The following WDR75 variants were observed in gnomAD, a reference collection of about 807,000 sequenced individuals.
WDR75 encodes the protein WD repeat domain 75, also known as WD repeat-containing protein 75.
Under a neutral mutation model 106.1 loss-of-function variants are expected in WDR75, and 52 were observed. The ratio of observed to expected loss-of-function variants is 0.49; its 90% CI spans 0.39 to 0.62. The LOEUF (loss-of-function observed/expected upper bound fraction) is 0.62, where lower values mean the gene tolerates loss of function less well. WDR75 is among the 20% of genes least tolerant of loss of function. The pLI, the probability that WDR75 is intolerant of heterozygous loss-of-function variation, is 0.00. For missense variants in WDR75, 905 were observed against 970.3 expected (o/e 0.93, Z 0.89); for synonymous variants, 333 against 335.5 (o/e 0.99, Z 0.08).
Position 189,449,961 on chromosome 2 carries a change from T to A in WDR75, c.217-942T>A, listed in dbSNP as rs537423163. 4 of 985,214 alleles carry A rather than the reference T, an allele frequency of 4.1e-6. No individual in the cohort carries two copies. The South Asian group carries it at 1.4e-4, about 35-fold the overall frequency. 61.0% of individuals were successfully genotyped at this position (985,214 alleles called of 1,614,324 possible). A position where few individuals can be genotyped will look rare whatever the true frequency, so the allele number is the denominator to read the frequency against. ...TTCCTATAACAACGACAACAAAATC[T>A]AGCAGAAACTTAGTATTAATAAAAC... On this transcript the variant is annotated intron_variant, in intron 2 of 20. Transcript: ENST00000314761.
intron 2 of WDR75, 85 bp from the exon 3 acceptor site, chr2:189,450,817 GC>G: frequency 6.4e-7 from 1 of 1,562,556 alleles, no homozygotes; most frequent in Non-Finnish European, 8.6e-7. Context: ...AATAGAAAAT[GC>G]CCCTGATCAA....
chr2:189,451,788 T>A lies in WDR75; in HGVS notation c.283-17T>A. 1 of 1,604,090 alleles carries A rather than the reference T, an allele frequency of 6.2e-7. No homozygotes were observed. The highest frequency in any genetic ancestry group is 8.5e-7 in the Non-Finnish European group (1 of 1,171,298). On this transcript the variant is annotated splice_polypyrimidine_tract_variant and intron_variant, in intron 3 of 20. Coordinates refer to ENST00000314761, the MANE Select transcript of WDR75 (RefSeq NM_032168.3). ...AGGGAACAGACAGTAAACACTATGGTGCTCTTTATCTTTCAGACTTTCATA... is the reference window on the plus strand; with the variant it reads ...AGGGAACAGACAGTAAACACTATGGAGCTCTTTATCTTTCAGACTTTCATA...
chr2:189,455,324 ATT>A lies in WDR75; in HGVS notation c.380_381del (p.Phe127SerfsTer72). On this transcript the variant is annotated frameshift_variant, in exon 5 of 21. Coordinates refer to ENST00000314761, the MANE Select transcript of WDR75 (RefSeq NM_032168.3). LOFTEE classifies it high-confidence loss of function. Reference sequence around the variant, plus strand: ...AATATAGCTTTCTTTGGCTAGATATATTTCAGCTGGTTTCAGTGAAACTGCCA... The same window carrying A: ...AATATAGCTTTCTTTGGCTAGATATATCAGCTGGTTTCAGTGAAACTGCCA... ...VIVNKEKPDI[F>X]QLVSVKLPKS... The A allele has an allele frequency of 6.2e-7, 1 of 1,613,870 alleles. No individual in the cohort carries two copies. The highest frequency in any genetic ancestry group is 1.1e-5 in the South Asian group (1 of 91,070).
At chr2:189,474,612 C>A in intron 19 of WDR75, 105 bp from the exon 20 acceptor site, 1 of 1,024,672 alleles carries the variant, frequency 9.8e-7, no homozygotes, top group Non-Finnish European at 1.5e-6. Context: ...TCATGTTTCA[C>A]TCTTGGCATT....
chr2:189,474,392 G>C, intron 19 of WDR75, 60 bp downstream of exon 19: 2 of 1,540,184 alleles, frequency 1.3e-6, no homozygotes, highest in Non-Finnish European at 1.8e-6. Flanking sequence ...CCTGAAGTTG[G>C]AGTTTTGACA....
At chr2:189,455,639 G>T in intron 5 of WDR75, 195 bp downstream of exon 5, 1 of 601,126 alleles carries the variant, frequency 1.7e-6, no homozygotes. Flanking sequence ...TTATTTTTGT[G>T]TGTTCTGTCC....
Position 189,468,490 on chromosome 2 carries a change from G to A in WDR75, c.1644G>A (p.Gly548=). ...RAGKIRHLCF[G]RLTCSKYLLG... is the part of the protein sequence containing the mutation. The stretch of plus-strand genomic sequence containing the variant: ...TTTAATCTAGGCACCTTTGCTTTGG[G>A]AGATTGACGTGTTCAAAGTATCTAC... Residue 548 remains glycine (G), a synonymous_variant, in exon 15 of 21, where the codon GGG becomes GGA. Coordinates refer to ENST00000314761, the MANE Select transcript of WDR75 (RefSeq NM_032168.3). 6.2e-7 allele frequency: 1 copy of A among 1,613,298 alleles called. No homozygotes were observed. The highest frequency in any genetic ancestry group is 8.5e-7 in the Non-Finnish European group (1 of 1,179,428).
At chr2:189,473,531 C>T (rs1574206529) in intron 18 of WDR75, among the ~76,000 whole-genome samples, 1 of 152,096 alleles carries the variant, frequency 6.6e-6, no homozygotes, top group South Asian at 2.1e-4. Context: ...ACATGAAGTA[C>T]AACTGCCTAG....
At chr2:189,443,363 G>A (rs528365123) in intron 1 of WDR75, among the ~76,000 whole-genome samples, 35 of 152,326 alleles carry the variant, frequency 2.3e-4, no homozygotes, top group African/African-American at 7.9e-4. Context: ...GAACAGGCTG[G>A]TACAGTTAGC....
At chr2:189,461,106 T>C (rs975130899) in intron 8 of WDR75, among the ~76,000 whole-genome samples, 1 of 152,230 alleles carries the variant, frequency 6.6e-6, no homozygotes, top group Non-Finnish European at 1.5e-5. Flanking sequence ...TAGTCTTCTG[T>C]TTAGCTAGAT....
At chr2:189,467,322 A>G in intron 13 of WDR75, 146 bp from the exon 14 acceptor site, 1 of 697,104 alleles carries the variant, frequency 1.4e-6, no homozygotes, top group Non-Finnish European at 2.4e-6. Context: ...TTTGTACTGT[A>G]CACAGCTATT....
At chr2:189,448,814 C>T (rs1338213920) in intron 2 of WDR75, 2 of 499,898 alleles carry the variant, frequency 4.0e-6, no homozygotes, top group Non-Finnish European at 8.1e-6. Context: ...CCCTTACATG[C>T]ATTGCGAATA....
chr2:189,464,166 A>G (rs1686955044), intron 11 of WDR75: 1 of 558,148 alleles, frequency 1.8e-6, no homozygotes, highest in African/African-American at 1.9e-5. Flanking sequence ...GCCAGTTGGC[A>G]CTCCTGTACG....
rs751648939 is a variant in WDR75 at position 189,463,935 on chromosome 2, C to A, written c.1087C>A (p.Leu363Ile). Residue 363 changes from leucine to isoleucine, a missense_variant, in exon 11 of 21, where the codon CTC (leucine) becomes ATC (isoleucine). By Grantham distance (5) the Leu-to-Ile change is conservative. Coordinates refer to ENST00000314761, the MANE Select transcript of WDR75 (RefSeq NM_032168.3). ...GKPGHLQFYS[L>I]QSDKQLYNLD... ...ACCTGGCCACCTGCAGTTTTATTCT[C>A]TCCAGAGTGATAAACAGTTATACAA... is the stretch of plus-strand genomic sequence containing the variant. 2 of 1,613,754 alleles carry A rather than the reference C, an allele frequency of 1.2e-6. No homozygotes were observed. The highest frequency in any genetic ancestry group is 3.3e-5 in the Admixed American group (2 of 60,002).
chr2:189,453,430 A>G (rs930749880), intron 4 of WDR75, among the ~76,000 whole-genome samples: 4 of 152,146 alleles, frequency 2.6e-5, no homozygotes, highest in African/African-American at 9.7e-5. Context: ...AATAGCTGCT[A>G]GCAAAACTTT....
chr2:189,454,600 C>T (rs1315159355), intron 4 of WDR75, among the ~76,000 whole-genome samples: 3 of 151,850 alleles, frequency 2.0e-5, no homozygotes, highest in African/African-American at 7.3e-5. Flanking sequence ...CGGCTCACTG[C>T]AACCTCCACC....
At chr2:189,461,471 A>T (rs1392547510) in intron 8 of WDR75, among the ~76,000 whole-genome samples, 3 of 151,560 alleles carry the variant, frequency 2.0e-5, no homozygotes, top group Non-Finnish European at 4.4e-5. Flanking sequence ...CTTTATATCC[A>T]TGAGTTAGGA....
chr2:189,469,474 T>C (rs781264844), intron 16 of WDR75, 35 bp downstream of exon 16: 6 of 1,518,484 alleles, frequency 4.0e-6, no homozygotes. Flanking sequence ...TAAGAGAACA[T>C]CTATGACCTA....
chr2:189,470,866 A>G lies in WDR75; in HGVS notation c.2037A>G (p.Pro679=). 1.2e-6 allele frequency: 2 copies of G among 1,602,548 alleles called. No homozygotes were observed. The highest frequency in any genetic ancestry group is 1.7e-6 in the Non-Finnish European group (2 of 1,175,654). The change falls in exon 18 of 21, where the codon CCA becomes CCG. Residue 679 remains proline, a synonymous_variant. Coordinates refer to ENST00000314761, the MANE Select transcript of WDR75 (RefSeq NM_032168.3). ...AGTCTCCAGAAGAAAAACTCACACC[A>G]ACAAGCAAACAGGTATGTTTTAGCC... is the stretch of plus-strand genomic sequence containing the variant. ...STKSPEEKLT[P]TSKQLLAEES...
Sources: allele counts gnomAD v4.1 joint callset (sites outside exome capture counted in the v4.1 genomes callset), GRCh38; gene constraint gnomAD v4.1.1; transcripts MANE v1.5; gene names NCBI Gene and HGNC (gene_info 2026-07-23, HGNC 2026-07-21).